Variants in SPAG17 observed in about 807,000 individuals in gnomAD.
The protein encoded by SPAG17 is sperm-associated antigen 17.
A neutral mutation model predicts 273.6 loss-of-function variants in SPAG17; 169 were observed. That is an observed-to-expected ratio of 0.62 (90% CI 0.55 to 0.70). The LOEUF (loss-of-function observed/expected upper bound fraction) is 0.70, where lower values mean the gene tolerates loss of function less well. Among genes scored for constraint, SPAG17 ranks in the 30% least tolerant of loss-of-function variants. The probability of loss-of-function intolerance (pLI) is 0.00; values close to 1 mark genes in which losing one functional copy is unlikely to be tolerated. For missense variants in SPAG17, 2,557 were observed against 2,627.8 expected, an observed-to-expected ratio of 0.97 and a Z score of 0.59; for synonymous variants, 825 against 873.2, an observed-to-expected ratio of 0.94 and a Z score of 0.97.
intron 30 of SPAG17, 76 bp from the exon 31 acceptor site, chr1:118,008,274 C>T: frequency 2.0e-6 from 3 of 1,518,528 alleles, no homozygotes; most frequent in South Asian, 1.2e-5. Flanking sequence ...ATTGATTTTG[C>T]TGCTGTTTCC....
Position 118,097,763 on chromosome 1 carries a change from C to G in SPAG17, c.918G>C (p.Glu306Asp). ...WKYLEPVLNNEKPETNLFDVA... is the reference protein window; with the variant it reads ...WKYLEPVLNNDKPETNLFDVA... The stretch of plus-strand genomic sequence containing the variant: ...CATCAAAGAGATTTGTTTCAGGTTT[C>G]TCATTATTCAGGACTGGTTCCAAGT... Residue 306 changes from glutamate to aspartate, a missense_variant, in exon 7 of 49, where the codon GAG (glutamate) becomes GAC (aspartate). By Grantham distance (45) the Glu-to-Asp change is conservative (BLOSUM62 2). Transcript: ENST00000336338. The G allele has an allele frequency of 6.2e-7, 1 of 1,611,014 alleles. No individual in the cohort carries two copies. The highest frequency in any genetic ancestry group is 1.1e-5 in the South Asian group (1 of 90,388).
At chr1:118,102,238 G>A (rs993869994) in intron 4 of SPAG17, among the ~76,000 whole-genome samples, 3 of 152,194 alleles carry the variant, frequency 2.0e-5, no homozygotes, top group African/African-American at 4.8e-5. Context: ...AAGGCAGGGC[G>A]GGAAGATAAT....
At chr1:118,177,917 T>C (rs1455596009) in intron 1 of SPAG17, among the ~76,000 whole-genome samples, 2 of 152,140 alleles carry the variant, frequency 1.3e-5, no homozygotes, top group Non-Finnish European at 2.9e-5. Context: ...AGATTGAAGC[T>C]GTAATAAAAA....
chr1:118,181,133 A>C (rs941336398), intron 1 of SPAG17, among the ~76,000 whole-genome samples: 1 of 152,080 alleles, frequency 6.6e-6, no homozygotes, highest in African/African-American at 2.4e-5. Context: ...TATCTATAGA[A>C]TATACACAGA....
At chr1:118,051,843 C>T (rs2101981541) in intron 20 of SPAG17, among the ~76,000 whole-genome samples, 1 of 127,726 alleles carries the variant, frequency 7.8e-6, no homozygotes, top group African/African-American at 2.9e-5. Context: ...AATATATAAA[C>T]TATATATAAT....
At chr1:118,099,472 G>T in intron 6 of SPAG17, 134 bp downstream of exon 6, 2 of 951,154 alleles carry the variant, frequency 2.1e-6, no homozygotes, top group South Asian at 1.5e-5. Flanking sequence ...AGAGTAAATG[G>T]CAAATCAAAG....
intron 3 of SPAG17, among the ~76,000 whole-genome samples, chr1:118,137,547 C>T (rs1250383434): frequency 1.3e-5 from 2 of 152,274 alleles, no homozygotes; most frequent in South Asian, 4.1e-4. Context: ...ATTTATTGAA[C>T]AATTTCAGTT....
In SPAG17 at chr1:117,961,309, C is replaced by T. The variant is rs2101365797; in HGVS notation, c.*2490G>A. ...CAAAATAATAATAGTAAAAAAAAATCTGTATAACAGTGGAGCCAAGTGGTT... is the reference window on the plus strand; with the variant it reads ...CAAAATAATAATAGTAAAAAAAAATTTGTATAACAGTGGAGCCAAGTGGTT... On this transcript the variant is annotated intron_variant, in intron 48 of 48. Transcript: ENST00000336338. The T allele has an allele frequency of 2.0e-5, 3 of 152,108 alleles. No individual in the cohort carries two copies. In the East Asian group the frequency reaches 5.8e-4, roughly 29 times the overall value. The allele number at this position is 152,108 out of a possible 1,614,324, so 9.4% of individuals were successfully genotyped here.
At chr1:117,971,763 A>G in intron 45 of SPAG17, 100 bp downstream of exon 45, 1 of 926,606 alleles carries the variant, frequency 1.1e-6, no homozygotes. Context: ...AGGAGTAATT[A>G]CAGTTCGGTT....
chr1:117,971,052 GT>G (rs11361620), intron 45 of SPAG17, among the ~76,000 whole-genome samples: 1,778 of 148,696 alleles, frequency 0.012, 28 homozygotes, highest in African/African-American at 0.04. Context: ...TGCTTCTATC[GT>G]TTTTTTTTTA....
intron 48 of SPAG17, chr1:117,963,154 T>C (rs1471064357): frequency 1.3e-5 from 2 of 152,158 alleles, no homozygotes; most frequent in Non-Finnish European, 2.9e-5. Context: ...AACTCTTACA[T>C]AGGGCCTGGC....
intron 4 of SPAG17, among the ~76,000 whole-genome samples, chr1:118,102,624 C>T (rs1281555897): frequency 6.6e-6 from 1 of 152,214 alleles, no homozygotes. Flanking sequence ...CTGGGGCATG[C>T]TTAGATTGGC....
At chr1:118,005,866 T>C (rs528896049) in intron 31 of SPAG17, among the ~76,000 whole-genome samples, 1 of 152,326 alleles carries the variant, frequency 6.6e-6, no homozygotes, top group South Asian at 2.1e-4. Context: ...AATTGTCTTA[T>C]GCCCCCTTAT....
At chr1:118,101,688 G>A in intron 5 of SPAG17, 52 bp downstream of exon 5, 2 of 1,539,200 alleles carry the variant, frequency 1.3e-6, no homozygotes, top group Non-Finnish European at 1.8e-6. Context: ...TCATTTTATT[G>A]CCACTGTGTT....
chr1:118,016,032 C>G lies in SPAG17; in HGVS notation c.4220G>C (p.Gly1407Ala). 6.2e-7 allele frequency: 1 copy of G among 1,614,004 alleles called. No individual in the cohort carries two copies. Reference protein sequence around the residue: ...TPEGNRIGTKGLERIADLTPL... With the variant: ...TPEGNRIGTKALERIADLTPL... ...GGTCAAGTCTGCTATTCTTTCTAATCCTTTGGTGCCGATCCGATTTCCTTC... is the reference window on the plus strand; with the variant it reads ...GGTCAAGTCTGCTATTCTTTCTAATGCTTTGGTGCCGATCCGATTTCCTTC... The change falls in exon 29 of 49, where the codon GGA becomes GCA. Residue 1407 changes from glycine (G) to alanine (A), a missense_variant. Gly to Ala is a moderately conservative substitution (Grantham distance 60). Coordinates refer to ENST00000336338, the MANE Select transcript of SPAG17 (RefSeq NM_206996.4).
chr1:118,102,866 A>G (rs954458913), intron 4 of SPAG17, among the ~76,000 whole-genome samples: 2 of 152,348 alleles, frequency 1.3e-5, no homozygotes, highest in African/African-American at 2.4e-5. Flanking sequence ...CACTTCCCCT[A>G]CACTACTCCA....
rs371437928 is a variant in SPAG17, at chr1:118,040,766, C to T, written c.3130G>A (p.Gly1044Arg). The T allele has an allele frequency of 2.9e-5, 47 of 1,604,944 alleles. No homozygotes were observed. The highest frequency in any genetic ancestry group is 3.8e-5 in the Non-Finnish European group (44 of 1,171,712). ...SNYYLYPSDG[G>R]QIEVEKTMFE... ...ATTGTCTTTTCCACTTCAATCTGCC[C>T]CCCATCAGAAGGATACAGGTAGTAA... Residue 1044 changes from glycine (G) to arginine (R), a missense_variant, in exon 22 of 49, where the codon GGG becomes AGG. Physicochemically the swap from Gly to Arg is moderately radical, Grantham distance 125 (BLOSUM62 -2). Transcript: ENST00000336338.
At chr1:118,006,785 G>A (rs1658938963) in intron 31 of SPAG17, among the ~76,000 whole-genome samples, 1 of 152,174 alleles carries the variant, frequency 6.6e-6, no homozygotes, top group Non-Finnish European at 1.5e-5. Flanking sequence ...GTGATTATCT[G>A]TCTTTTTGAT....
intron 3 of SPAG17, among the ~76,000 whole-genome samples, chr1:118,132,581 T>G (rs1485951259): frequency 6.6e-6 from 1 of 152,228 alleles, no homozygotes; most frequent in Non-Finnish European, 1.5e-5. Context: ...ATCTTCCCCC[T>G]CTAGCTTTGT....
Sources: allele counts gnomAD v4.1 joint callset (sites outside exome capture counted in the v4.1 genomes callset), GRCh38; gene constraint gnomAD v4.1.1; transcripts MANE v1.5; gene names NCBI Gene and HGNC (gene_info 2026-07-23, HGNC 2026-07-21).